MEIS2: variants seen among roughly 807,000 people sequenced by gnomAD.
The protein encoded by MEIS2 is Meis homeobox 2.
In MEIS2, 9 loss-of-function variants were observed where a neutral mutation model predicts 58.6. That is an observed-to-expected ratio of 0.15 (90% CI 0.09 to 0.27). MEIS2 has a LOEUF of 0.27. Among genes scored for constraint, MEIS2 ranks in the 10% least tolerant of loss-of-function variants. The probability of loss-of-function intolerance (pLI) is 1.00; values close to 1 mark genes in which losing one functional copy is unlikely to be tolerated. For missense variants in MEIS2, 427 were observed against 635.0 expected (o/e 0.67, Z 3.52); for synonymous variants, 221 against 228.4 (o/e 0.97, Z 0.29).
At chr15:36,914,954 T>C (rs1281533835) in intron 9 of MEIS2, among the ~76,000 whole-genome samples, 1 of 152,150 alleles carries the variant, frequency 6.6e-6, no homozygotes, top group Non-Finnish European at 1.5e-5. Context: ...GCCAAATAAA[T>C]TGAAATAGGC....
At chr15:36,916,366 G>T (rs1447339409) in intron 9 of MEIS2, among the ~76,000 whole-genome samples, 5 of 150,196 alleles carry the variant, frequency 3.3e-5, no homozygotes, top group Non-Finnish European at 7.4e-5. Context: ...GGCAGAGCTT[G>T]CAGTGAGCTG....
intron 8 of MEIS2, among the ~76,000 whole-genome samples, chr15:36,992,982 G>C (rs1371557759): frequency 6.6e-6 from 1 of 151,990 alleles, no homozygotes; most frequent in African/African-American, 2.4e-5. Flanking sequence ...CTTCCTAATG[G>C]AGAACAAATA....
In MEIS2 at chr15:36,916,981, AG is replaced by A. The variant is rs2057306513; in HGVS notation, c.978-20296del. Among the ~76,000 whole-genome samples, 3 of 152,316 alleles carry A rather than the reference AG, an allele frequency of 2.0e-5. No individual in the cohort carries two copies. The South Asian group carries it at 6.2e-4, about 32-fold the overall frequency. ...CCAGTTAGTAAGTGGCAGAAGTGGC[AG>A]TCAGATACACTCATGCACACATATG... On this transcript the variant is annotated intron_variant, in intron 9 of 11. Transcript: ENST00000561208.
intron 8 of MEIS2, among the ~76,000 whole-genome samples, chr15:37,026,289 C>T (rs187231440): frequency 2.0e-4 from 30 of 152,260 alleles, no homozygotes; most frequent in Admixed American, 3.3e-4. Context: ...CACCCCGGTA[C>T]ACTTGGGTTG....
At chr15:36,959,155 T>C (rs1220915261) in intron 8 of MEIS2, among the ~76,000 whole-genome samples, 1 of 152,184 alleles carries the variant, frequency 6.6e-6, no homozygotes, top group Non-Finnish European at 1.5e-5. Context: ...TTTCCTCTCT[T>C]TTAAGATGTC....
At chr15:37,086,582 T>C (rs1190523341) in intron 6 of MEIS2, among the ~76,000 whole-genome samples, 1 of 152,220 alleles carries the variant, frequency 6.6e-6, no homozygotes, top group African/African-American at 2.4e-5. Context: ...CCTCTTTTCT[T>C]TCTCACTCTT....
intron 9 of MEIS2, among the ~76,000 whole-genome samples, chr15:36,914,771 T>C (rs371320269): frequency 3.3e-5 from 5 of 152,062 alleles, no homozygotes; most frequent in South Asian, 4.2e-4. Context: ...ACCTCTATTT[T>C]TTTTTTCCAA....
chr15:36,934,283 G>A (rs766313642), intron 9 of MEIS2, among the ~76,000 whole-genome samples: 3 of 150,992 alleles, frequency 2.0e-5, no homozygotes, highest in East Asian at 3.9e-4. Flanking sequence ...TTTTTCCTCC[G>A]TAACAATTCC....
chr15:37,038,854 C>G (rs762281319), intron 7 of MEIS2, among the ~76,000 whole-genome samples: 4 of 152,204 alleles, frequency 2.6e-5, no homozygotes, highest in Non-Finnish European at 5.9e-5. Flanking sequence ...CACCCAAGCT[C>G]GTGCAGGGAC....
intron 7 of MEIS2, among the ~76,000 whole-genome samples, chr15:37,046,967 G>A (rs1209721275): frequency 2.0e-5 from 3 of 151,968 alleles, no homozygotes; most frequent in Non-Finnish European, 4.4e-5. Context: ...AAAGGATACT[G>A]ACTGACCCTA....
At chr15:37,046,787 C>G (rs2062691011) in intron 7 of MEIS2, among the ~76,000 whole-genome samples, 1 of 151,770 alleles carries the variant, frequency 6.6e-6, no homozygotes, top group Admixed American at 6.6e-5. Context: ...TGAAAGCTTC[C>G]AACACTTTTA....
Position 37,093,675 on chromosome 15 carries a change from T to C in MEIS2, c.545A>G (p.Lys182Arg). The C allele has an allele frequency of 3.7e-6, 6 of 1,614,210 alleles. No individual in the cohort carries two copies. Among genetic ancestry groups the C allele is most frequent in the Non-Finnish European group, 5.1e-6 (6 of 1,180,042 alleles). Residue 182 changes from lysine (K) to arginine (R), a missense_variant, in exon 6 of 12, where the codon AAA (lysine) becomes AGA (arginine). Transcript: ENST00000561208. ...CHRYISCLKG[K>R]MPIDLVIDER... ...ATCAATGACGAGGTCGATGGGCATT[T>C]TCCCCTTCAAACAGCTAATGTATCG...
chr15:36,965,032 G>A (rs532777753), intron 8 of MEIS2, among the ~76,000 whole-genome samples: 208 of 152,216 alleles, frequency 1.4e-3, no homozygotes, highest in African/African-American at 4.9e-3. Flanking sequence ...AGAACCGAAC[G>A]CAGGAAGCAT....
chr15:36,990,609 A>G (rs1012853023), intron 8 of MEIS2, among the ~76,000 whole-genome samples: 1 of 148,518 alleles, frequency 6.7e-6, no homozygotes, highest in Non-Finnish European at 1.5e-5. Context: ...CACTAAGTAT[A>G]TACAGTTTAT....
At chr15:37,073,725 T>C (rs1469114200) in intron 7 of MEIS2, among the ~76,000 whole-genome samples, 1 of 152,062 alleles carries the variant, frequency 6.6e-6, no homozygotes, top group Non-Finnish European at 1.5e-5. Context: ...TTGAAAGTTT[T>C]ATTTTAGTGG....
At chr15:36,926,117 C>T (rs2057735540) in intron 9 of MEIS2, among the ~76,000 whole-genome samples, 1 of 151,524 alleles carries the variant, frequency 6.6e-6, no homozygotes, top group Non-Finnish European at 1.5e-5. Context: ...TTTTTACTTG[C>T]ATGCATATTT....
At chr15:36,915,950 A>T (rs1202122083) in intron 9 of MEIS2, among the ~76,000 whole-genome samples, 2 of 152,250 alleles carry the variant, frequency 1.3e-5, no homozygotes, top group Non-Finnish European at 2.9e-5. Context: ...CTATTGGGTT[A>T]TCAGTCTTCT....
At chr15:37,021,055 C>T (rs1380582663) in intron 8 of MEIS2, among the ~76,000 whole-genome samples, 1 of 152,186 alleles carries the variant, frequency 6.6e-6, no homozygotes, top group Non-Finnish European at 1.5e-5. Flanking sequence ...AACCCTGCTG[C>T]ACCTGGCTCT....
chr15:36,930,220 A>G (rs1026191207), intron 9 of MEIS2, among the ~76,000 whole-genome samples: 1 of 133,892 alleles, frequency 7.5e-6, no homozygotes, highest in African/African-American at 2.8e-5. Context: ...AAAAAAAAAA[A>G]GAGAGAGAGA....
Sources: gnomAD v4.1 joint callset for allele counts (sites outside exome capture counted in the v4.1 genomes callset) on GRCh38, gnomAD v4.1.1 for gene constraint, MANE v1.5 for transcripts, NCBI Gene and HGNC (gene_info 2026-07-23, HGNC 2026-07-21) for gene names.